PTPRT: variants seen among roughly 807,000 people sequenced by gnomAD.
The protein encoded by PTPRT is protein tyrosine phosphatase receptor type T, also known as receptor-type tyrosine-protein phosphatase T.
PTPRT carries 56 observed loss-of-function variants against 176.8 expected under a neutral mutation model. The ratio of observed to expected loss-of-function variants is 0.32; its 90% confidence interval spans 0.26 to 0.40. The LOEUF (loss-of-function observed/expected upper bound fraction) is 0.40. Among genes scored for constraint, PTPRT ranks in the 10% least tolerant of loss-of-function variants. The pLI, the probability that PTPRT is intolerant of heterozygous loss-of-function variation, is 1.00. For missense variants in PTPRT, 1,540 were observed against 1,908.2 expected (o/e 0.81, Z 3.60); for synonymous variants, 783 against 739.0 (o/e 1.06, Z -0.96).
rs750813623 is a variant in PTPRT at position 42,119,955 on chromosome 20, C to G, written c.2864G>C (p.Arg955Pro). ...CTTACCTTGAGTCGCAATGTAGTGC[C>G]GAGGTCGATGGTATCCCTGGATAAC... The part of the protein sequence containing the change: ...ANYIDGYHRP[R>P]HYIATQGPMQ... The change falls in exon 20 of 31, where the codon CGG becomes CCG. Residue 955 changes from arginine to proline, a missense_variant. Arg to Pro is a moderately radical substitution (Grantham distance 103, BLOSUM62 -2). This residue lies in a region of PTPRT where 248 missense variants were observed against 356.7 expected (regional missense o/e 0.70). Transcript: ENST00000373187. 1 of 1,608,088 alleles carries G rather than the reference C, an allele frequency of 6.2e-7. No homozygotes were observed. The highest frequency in any genetic ancestry group is 1.1e-5 in the South Asian group (1 of 90,230).
intron 8 of PTPRT, among the ~76,000 whole-genome samples, chr20:42,461,982 G>C (rs1654319506): frequency 6.6e-6 from 1 of 150,596 alleles, no homozygotes. Flanking sequence ...GGGGACAATT[G>C]CTGGAGCAAT....
chr20:42,295,639 A>C (rs988755816), intron 12 of PTPRT, among the ~76,000 whole-genome samples: 6 of 152,196 alleles, frequency 3.9e-5, no homozygotes, highest in African/African-American at 1.4e-4. Context: ...AAATTGAGAG[A>C]GAGAGAGAGA....
At chr20:43,004,127 A>G (rs897769314) in intron 1 of PTPRT, among the ~76,000 whole-genome samples, 9 of 151,918 alleles carry the variant, frequency 5.9e-5, no homozygotes, top group Admixed American at 1.3e-4. Flanking sequence ...AAAACTTTTA[A>G]AAATCTGTAT....
chr20:42,224,863 G>A (rs2055969582), intron 15 of PTPRT, among the ~76,000 whole-genome samples: 1 of 152,052 alleles, frequency 6.6e-6, no homozygotes, highest in African/African-American at 2.4e-5. Context: ...TGACAACCTT[G>A]CCTTTTTAAA....
At chr20:42,070,819 T>A (rs1342150778), downstream of PTPRT, among the ~76,000 whole-genome samples, 2 of 152,212 alleles carry the variant, frequency 1.3e-5, no homozygotes, top group Non-Finnish European at 2.9e-5. Context: ...ACTTTTATCA[T>A]AACACTTTAA....
intron 2 of PTPRT, among the ~76,000 whole-genome samples, chr20:42,880,987 C>A (rs906370524): frequency 6.6e-5 from 10 of 152,208 alleles, no homozygotes; most frequent in African/African-American, 2.4e-4. Flanking sequence ...CTTGAAAAGC[C>A]TCTCTGGCCT....
rs540138280 is a variant in PTPRT at position 42,588,271 on chromosome 20, C to T, written c.1153+89595G>A. ...CCAGTCTGGTCAACACGGTGAAATG[C>T]CGTCTCTACTAAAAATACAAAAATT... On this transcript the variant is annotated intron_variant, in intron 7 of 30. Transcript: ENST00000373187. Among the ~76,000 whole-genome samples, 211 of 152,198 alleles carry T rather than the reference C, an allele frequency of 1.4e-3. 4 individuals are homozygous for T. The highest frequency in any genetic ancestry group is 4.8e-3 in the African/African-American group (199 of 41,532).
intron 1 of PTPRT, among the ~76,000 whole-genome samples, chr20:43,100,344 T>G (rs1600713506): frequency 2.0e-5 from 3 of 151,834 alleles, no homozygotes; most frequent in African/African-American, 7.3e-5. Flanking sequence ...GCCACTACAC[T>G]CCAGCCTGGG....
At chr20:42,519,872 T>G (rs1056263681) in intron 7 of PTPRT, among the ~76,000 whole-genome samples, 1 of 152,164 alleles carries the variant, frequency 6.6e-6, no homozygotes, top group African/African-American at 2.4e-5. Flanking sequence ...TGATGTGTCA[T>G]TTGAAAATTT....
rs962438201 is a variant in PTPRT, at chr20:42,143,544, G to A, written c.2683-1542C>T. On this transcript the variant is annotated intron_variant, in intron 17 of 30. Transcript: ENST00000373187. ...TGCACTCCAGCCTGGGCGACAGAGCGAGACTCTGTTTCAAAAAAAAAAAAA... is the reference window on the plus strand; with the variant it reads ...TGCACTCCAGCCTGGGCGACAGAGCAAGACTCTGTTTCAAAAAAAAAAAAA... 2.7e-5 allele frequency among the ~76,000 whole-genome samples: 4 copies of A among 146,406 alleles called. No individual in the cohort carries two copies. The South Asian group carries it at 6.7e-4, about 24-fold the overall frequency.
At chr20:42,985,434 G>A (rs1164929630) in intron 1 of PTPRT, among the ~76,000 whole-genome samples, 1 of 152,062 alleles carries the variant, frequency 6.6e-6, no homozygotes, top group African/African-American at 2.4e-5. Flanking sequence ...GGCAGAGGTT[G>A]CAGGAGCCAA....
At chr20:42,297,786 A>G (rs1251531274) in intron 12 of PTPRT, among the ~76,000 whole-genome samples, 1 of 152,222 alleles carries the variant, frequency 6.6e-6, no homozygotes, top group Non-Finnish European at 1.5e-5. Flanking sequence ...GGACTTTTAA[A>G]TACATGTTGC....
intron 1 of PTPRT, among the ~76,000 whole-genome samples, chr20:42,980,926 C>A (rs1224383605): frequency 6.6e-6 from 1 of 152,154 alleles, no homozygotes; most frequent in Non-Finnish European, 1.5e-5. Context: ...GAGAGAGCGT[C>A]CCTATCTCCC....
At chr20:42,606,983 T>A (rs2073888674) in intron 7 of PTPRT, 1 of 152,198 alleles carries the variant, frequency 6.6e-6, no homozygotes, top group Admixed American at 6.5e-5. Context: ...AATTAAAATG[T>A]GGCACATACA....
At chr20:43,074,309 T>A (rs2011224426) in intron 1 of PTPRT, among the ~76,000 whole-genome samples, 1 of 152,238 alleles carries the variant, frequency 6.6e-6, no homozygotes, top group African/African-American at 2.4e-5. Flanking sequence ...CGTCTATTAA[T>A]GATCATACGT....
At chr20:43,151,829 C>CAA (rs1278501490) in intron 1 of PTPRT, among the ~76,000 whole-genome samples, 1 of 151,670 alleles carries the variant, frequency 6.6e-6, no homozygotes, top group Non-Finnish European at 1.5e-5. Context: ...TGCCATTGCA[C>CAA]TCCAGCCCAG....
intron 7 of PTPRT, among the ~76,000 whole-genome samples, chr20:42,603,212 G>A (rs2073813503): frequency 2.0e-5 from 3 of 152,138 alleles, no homozygotes; most frequent in South Asian, 4.2e-4. Flanking sequence ...ACAATAAACA[G>A]GAGATACGAG....
chr20:42,454,908 C>T (rs923041383), intron 8 of PTPRT, among the ~76,000 whole-genome samples: 3 of 152,166 alleles, frequency 2.0e-5, no homozygotes, highest in Admixed American at 1.3e-4. Context: ...TTGTTCTCCA[C>T]GTAGAAGAAG....
chr20:42,145,866 A>T (rs770696763), intron 17 of PTPRT, among the ~76,000 whole-genome samples: 8 of 152,214 alleles, frequency 5.3e-5, no homozygotes, highest in Non-Finnish European at 1.0e-4. Context: ...GAAGCAATAC[A>T]GGTGCTAGGT....
Sources: allele counts gnomAD v4.1 joint callset (sites outside exome capture counted in the v4.1 genomes callset), GRCh38; gene constraint gnomAD v4.1.1; regional missense constraint gnomAD v4.1.1; transcripts MANE v1.5; gene names NCBI Gene and HGNC (gene_info 2026-07-23, HGNC 2026-07-21).